The following MAP7 variants were observed in gnomAD, a reference collection of about 807,000 sequenced individuals.
MAP7 encodes the protein microtubule associated protein 7.
MAP7 carries 52 observed loss-of-function variants against 94.8 expected under a neutral mutation model. That is an observed-to-expected ratio of 0.55 (90% CI 0.44 to 0.69). The LOEUF is 0.69. Ranked by LOEUF, MAP7 falls within the 30% of genes least tolerant of loss-of-function variation. The pLI, the probability that MAP7 is intolerant of heterozygous loss-of-function variation, is 0.00. For synonymous variants in MAP7, 350 were observed against 357.0 expected (o/e 0.98, Z 0.22); for missense variants, 940 against 964.6 (o/e 0.97, Z 0.34).
intron 1 of MAP7, among the ~76,000 whole-genome samples, chr6:136,486,683 C>A (rs910053449): frequency 2.6e-5 from 4 of 152,126 alleles, no homozygotes; most frequent in African/African-American, 9.7e-5. Context: ...GAGCTCAGAC[C>A]TTAGGGTTCA....
At position 136,343,807 on chromosome 6, in the gene MAP7, A is replaced by C. The variant is rs1488105053; in HGVS notation, c.*421T>G. ...CTCTTCTCCTATTCATTCTACTTGTAGAACAAAGAGGTACTTATTTTTCAA... is the reference window on the plus strand; with the variant it reads ...CTCTTCTCCTATTCATTCTACTTGTCGAACAAAGAGGTACTTATTTTTCAA... On this transcript the variant is annotated 3_prime_UTR_variant, in exon 18 of 18. Transcript: ENST00000354570. The C allele has an allele frequency of 1.3e-5, 2 of 152,654 alleles. No individual in the cohort carries two copies. Among genetic ancestry groups the C allele is most frequent in the African/African-American group, 4.8e-5 (2 of 41,460 alleles). The allele number at this position is 152,654 out of a possible 1,614,324, so 9.5% of individuals were successfully genotyped here. A position where few individuals can be genotyped will look rare whatever the true frequency, so the allele number is the denominator to read the frequency against.
At position 136,550,076 on chromosome 6, in the gene MAP7, C is replaced by T. The variant is rs1420603619; in HGVS notation, c.67+266G>A. Among the ~76,000 whole-genome samples, 1 of 151,848 alleles carries T rather than the reference C, an allele frequency of 6.6e-6. No homozygotes were observed. Among genetic ancestry groups the T allele is most frequent in the Non-Finnish European group, 1.5e-5 (1 of 67,856 alleles). The stretch of plus-strand genomic sequence containing the variant: ...GTTTCCTCCCCCGGCTCGCCTCCAC[C>T]TGTTGCGGGAAAGTCGCGGTGGAGC... On this transcript the variant is annotated intron_variant, in intron 1 of 17. Coordinates refer to ENST00000354570, the MANE Select transcript of MAP7 (RefSeq NM_003980.6). This position sits in a 1 kb window ranked among gnomAD's most constrained non-coding sequence, Gnocchi z 5.1.
At chr6:136,369,975 A>C (rs1177112529) in intron 8 of MAP7, among the ~76,000 whole-genome samples, 1 of 152,236 alleles carries the variant, frequency 6.6e-6, no homozygotes, top group African/African-American at 2.4e-5. Flanking sequence ...GGAAACAATC[A>C]GTAGAGTAAA....
chr6:136,466,878 T>C (rs1807297276), intron 1 of MAP7: 1 of 1,525,776 alleles, frequency 6.6e-7, no homozygotes, highest in African/African-American at 1.4e-5. Context: ...CAAATATCAG[T>C]GAAGGGGCCG....
At chr6:136,495,590 A>T (rs547129837) in intron 1 of MAP7, among the ~76,000 whole-genome samples, 21 of 152,284 alleles carry the variant, frequency 1.4e-4, no homozygotes, top group African/African-American at 5.1e-4. Context: ...CAGATTTTGG[A>T]GCATTTTGGA....
At chr6:136,469,447 TC>T (rs1275239115) in intron 1 of MAP7, among the ~76,000 whole-genome samples, 1 of 152,080 alleles carries the variant, frequency 6.6e-6, no homozygotes, top group East Asian at 1.9e-4. Context: ...AGTGGTGTGA[TC>T]TTGGCTCACT....
At chr6:136,431,779 G>A (rs867114015) in intron 1 of MAP7, among the ~76,000 whole-genome samples, 2 of 152,140 alleles carry the variant, frequency 1.3e-5, no homozygotes, top group African/African-American at 4.8e-5. Flanking sequence ...CGGACTTCCA[G>A]AGTGATGGGA....
At chr6:136,366,856 T>C (rs1414454825) in intron 8 of MAP7, among the ~76,000 whole-genome samples, 6 of 151,794 alleles carry the variant, frequency 4.0e-5, no homozygotes, top group Non-Finnish European at 7.4e-5. Flanking sequence ...TTCAACATTT[T>C]CCCCCCAAAC....
chr6:136,466,961 T>C, intron 1 of MAP7: 2 of 1,292,126 alleles, frequency 1.5e-6, no homozygotes, highest in Non-Finnish European at 2.0e-6. Context: ...TGGTGAGACA[T>C]ACAACTCGAC....
At chr6:136,494,481 A>G (rs1026355950) in intron 1 of MAP7, among the ~76,000 whole-genome samples, 5 of 152,212 alleles carry the variant, frequency 3.3e-5, no homozygotes, top group African/African-American at 1.2e-4. Flanking sequence ...AGAAAAATTC[A>G]CTGTTAAAAA....
chr6:136,513,254 A>G (rs979734413), intron 1 of MAP7, among the ~76,000 whole-genome samples: 2 of 152,234 alleles, frequency 1.3e-5, no homozygotes, highest in African/African-American at 4.8e-5. Context: ...TTTCATCCAC[A>G]GGACTTTTTT....
intron 1 of MAP7, among the ~76,000 whole-genome samples, chr6:136,431,594 T>C (rs2128808721): frequency 6.6e-6 from 1 of 152,292 alleles, no homozygotes; most frequent in Non-Finnish European, 1.5e-5. Flanking sequence ...CTTGATTCAC[T>C]GTAACCTCTG....
chr6:136,348,412 C>T (rs1045524088), intron 16 of MAP7, among the ~76,000 whole-genome samples: 2 of 152,086 alleles, frequency 1.3e-5, no homozygotes, highest in Non-Finnish European at 2.9e-5. Flanking sequence ...CAGGGGACAT[C>T]GGGACTGGTA....
chr6:136,365,914 G>A lies in MAP7; in HGVS notation c.1094C>T (p.Ser365Phe). ...CTTGACAGGGCGGATGTTGCCGGGG[G>A]ATGGGGGCCGGACCTGAGCAGGAGC... ...KAAPAQVRPP[S>F]PGNIRPVKRE... is the part of the protein sequence containing the mutation. Residue 365 changes from serine to phenylalanine, a missense_variant, in exon 10 of 18, where the codon TCC (serine) becomes TTC (phenylalanine). Physicochemically the swap from Ser to Phe is radical, Grantham distance 155 (BLOSUM62 -2). Coordinates refer to ENST00000354570, the MANE Select transcript of MAP7 (RefSeq NM_003980.6). 1 of 1,614,182 alleles carries A rather than the reference G, an allele frequency of 6.2e-7. No individual in the cohort carries two copies. Among genetic ancestry groups the A allele is most frequent in the Non-Finnish European group, 8.5e-7 (1 of 1,180,040 alleles).
chr6:136,491,974 C>CG (rs960563405), intron 1 of MAP7, among the ~76,000 whole-genome samples: 2 of 152,040 alleles, frequency 1.3e-5, no homozygotes, highest in East Asian at 1.9e-4. Flanking sequence ...CTGGGGAGAG[C>CG]GGGGGGAAAT....
chr6:136,382,539 T>G (rs1352529159), intron 6 of MAP7, among the ~76,000 whole-genome samples: 3 of 152,216 alleles, frequency 2.0e-5, no homozygotes, highest in Non-Finnish European at 4.4e-5. Context: ...GGCCCCTAAT[T>G]TGACTACAAG....
intron 3 of MAP7, among the ~76,000 whole-genome samples, chr6:136,394,913 G>T: frequency 1.1e-5 from 1 of 90,718 alleles, no homozygotes; most frequent in Admixed American, 1.4e-4. Flanking sequence ...TCTTTTTTAT[G>T]GTTGAATAAT....
Position 136,344,174 on chromosome 6 carries a change from A to C in MAP7, c.*54T>G, listed in dbSNP as rs149350153. 1,022 of 1,000,678 alleles carry C rather than the reference A, an allele frequency of 1.0e-3. 9 individuals are homozygous for C. The African/African-American group carries it at 0.016, about 15-fold the overall frequency. The allele number at this position is 1,000,678 out of a possible 1,614,324, so 62.0% of individuals were successfully genotyped here. ...TCCTTTATAGCAGGAAAGGAATTCC[A>C]TTAATTGTAGAAATTCTCATTAAAT... On this transcript the variant is annotated 3_prime_UTR_variant, in exon 18 of 18. Transcript: ENST00000354570.
At chr6:136,456,580 A>G (rs1275633265) in intron 1 of MAP7, among the ~76,000 whole-genome samples, 1 of 151,702 alleles carries the variant, frequency 6.6e-6, no homozygotes, top group African/African-American at 2.4e-5. Context: ...GCTGAGGTGG[A>G]AGGATCACCT....
Sources: allele counts gnomAD v4.1 joint callset (sites outside exome capture counted in the v4.1 genomes callset), GRCh38; gene constraint gnomAD v4.1.1; non-coding constraint Gnocchi (gnomAD v3.1); transcripts MANE v1.5; gene names NCBI Gene and HGNC (gene_info 2026-07-23, HGNC 2026-07-21).